Variants in UGT1A9 observed in about 807,000 individuals in gnomAD.
UGT1A9 encodes the protein UDP-glucuronosyltransferase 1A9.
In UGT1A9, 35 loss-of-function variants were observed where a neutral mutation model predicts 45.0. The ratio of observed to expected loss-of-function variants is 0.78; its 90% CI spans 0.59 to 1.03. The LOEUF (loss-of-function observed/expected upper bound fraction) is 1.03. Among genes scored for constraint, UGT1A9 ranks in the 50% least tolerant of loss-of-function variants. UGT1A9 has a pLI of 0.00. For missense variants in UGT1A9, 687 were observed against 666.6 expected, an observed-to-expected ratio of 1.03 and a Z score of -0.34; for synonymous variants, 278 against 250.6, an observed-to-expected ratio of 1.11 and a Z score of -1.03.
intron 1 of UGT1A9, among the ~76,000 whole-genome samples, chr2:233,673,495 T>C (rs1246141982): frequency 6.6e-6 from 1 of 152,174 alleles, no homozygotes; most frequent in East Asian, 1.9e-4. Context: ...TTTATCTTAG[T>C]TGACTAGAGC....
chr2:233,700,921 G>C (rs557819327), intron 1 of UGT1A9, among the ~76,000 whole-genome samples: 1 of 151,366 alleles, frequency 6.6e-6, no homozygotes, highest in South Asian at 2.1e-4. Context: ...CTCTTCCTGT[G>C]TCTGTGTGTG....
chr2:233,735,677 C>A (rs1321375160), intron 1 of UGT1A9, among the ~76,000 whole-genome samples: 1 of 152,088 alleles, frequency 6.6e-6, no homozygotes. Context: ...TTAGTGCTTC[C>A]TTTAGGAGCT....
rs191471887 is a variant in UGT1A9, at chr2:233,760,476, C to T, written c.856-6558C>T. 6.3e-5 allele frequency: 102 copies of T among 1,614,200 alleles called. 1 individual carries two copies. In the East Asian group the frequency reaches 1.9e-3, roughly 30 times the overall value. On this transcript the variant is annotated intron_variant, in intron 1 of 4. Transcript: ENST00000354728. ...ATGAAATAGTTGTCCTAGCACCTGA[C>T]GCCTCGTTGTACATCAGAGACGGAG...
At chr2:233,697,250 C>T (rs1170124115) in intron 1 of UGT1A9, among the ~76,000 whole-genome samples, 1 of 152,006 alleles carries the variant, frequency 6.6e-6, no homozygotes, top group African/African-American at 2.4e-5. Flanking sequence ...CTGCTTCAAT[C>T]TTGTTACTTA....
At chr2:233,740,826 G>C (rs1278219127) in intron 1 of UGT1A9, 2 of 151,802 alleles carry the variant, frequency 1.3e-5, no homozygotes, top group Non-Finnish European at 2.9e-5. Flanking sequence ...TTTGAGCTGA[G>C]ACATTTTAAA....
intron 1 of UGT1A9, among the ~76,000 whole-genome samples, chr2:233,680,213 G>T (rs1240097253): frequency 6.6e-6 from 1 of 152,038 alleles, no homozygotes; most frequent in Non-Finnish European, 1.5e-5. Context: ...GCACTTTATA[G>T]TCCCATGGTG....
At chr2:233,690,662 C>A (rs1369472374) in intron 1 of UGT1A9, 3 of 1,274,194 alleles carry the variant, frequency 2.4e-6, no homozygotes, top group African/African-American at 1.5e-5. Flanking sequence ...CAGCACCAAC[C>A]AGGGCAGGCC....
chr2:233,707,423 C>T (rs1388358348), intron 1 of UGT1A9, among the ~76,000 whole-genome samples: 1 of 151,946 alleles, frequency 6.6e-6, no homozygotes, highest in Non-Finnish European at 1.5e-5. Context: ...TCGACTATTT[C>T]TTTGCTTTTC....
At chr2:233,692,792 T>C in intron 1 of UGT1A9, 3 of 1,374,468 alleles carry the variant, frequency 2.2e-6, no homozygotes, top group Non-Finnish European at 9.4e-7. Context: ...AGGTGAAAGC[T>C]GACACGGCCA....
At chr2:233,745,465 G>C (rs1164210387) in intron 1 of UGT1A9, among the ~76,000 whole-genome samples, 3 of 151,586 alleles carry the variant, frequency 2.0e-5, no homozygotes, top group Non-Finnish European at 2.9e-5. Flanking sequence ...AGTTCTAAGG[G>C]GAAAATGATT....
chr2:233,770,182 A>T (rs778207496), intron 4 of UGT1A9: 1 of 152,262 alleles, frequency 6.6e-6, no homozygotes, highest in Non-Finnish European at 1.5e-5. Flanking sequence ...CAACTTATTA[A>T]CTAACTTTCA....
At chr2:233,711,952 C>T (rs2076206674) in intron 1 of UGT1A9, among the ~76,000 whole-genome samples, 1 of 152,326 alleles carries the variant, frequency 6.6e-6, no homozygotes, top group African/African-American at 2.4e-5. Context: ...ACGTTTAATT[C>T]TCCATTTTGA....
chr2:233,734,094 C>T (rs981980802), intron 1 of UGT1A9, among the ~76,000 whole-genome samples: 3 of 151,762 alleles, frequency 2.0e-5, no homozygotes, highest in African/African-American at 7.3e-5. Flanking sequence ...CACCCTAAAA[C>T]TTAAAGTATA....
intron 1 of UGT1A9, among the ~76,000 whole-genome samples, chr2:233,686,693 C>T (rs2074799956): frequency 1.3e-5 from 2 of 152,118 alleles, no homozygotes; most frequent in South Asian, 2.1e-4. Flanking sequence ...TGGTGGTGCC[C>T]TCTGGCCTGC....
chr2:233,729,641 T>C (rs2077899258), intron 1 of UGT1A9: 1 of 1,613,944 alleles, frequency 6.2e-7, no homozygotes, highest in Non-Finnish European at 8.5e-7. Flanking sequence ...ACTGTGTTTT[T>C]TTTGAGGAAC....
intron 1 of UGT1A9, chr2:233,747,281 A>C: frequency 6.3e-7 from 1 of 1,599,850 alleles, no homozygotes; most frequent in Non-Finnish European, 8.5e-7. Context: ...CTCAGTGCCC[A>C]GCCCTGGGCT....
intron 1 of UGT1A9, among the ~76,000 whole-genome samples, chr2:233,737,049 A>G (rs2078837950): frequency 1.3e-5 from 2 of 152,210 alleles, no homozygotes; most frequent in Admixed American, 6.5e-5. Context: ...ATGCCATACT[A>G]GGAGAACGAG....
At chr2:233,722,301 CCTTA>C (rs1342676069) in intron 1 of UGT1A9, among the ~76,000 whole-genome samples, 2 of 152,042 alleles carry the variant, frequency 1.3e-5, no homozygotes, top group Non-Finnish European at 2.9e-5. Context: ...ATTTTGTCAC[CCTTA>C]CTTACTTGGT....
chr2:233,727,660 A>G (rs1325777939), intron 1 of UGT1A9, among the ~76,000 whole-genome samples: 2 of 152,150 alleles, frequency 1.3e-5, no homozygotes, highest in Admixed American at 6.5e-5. Context: ...CTAGTGCTCT[A>G]TGTCCTTACA....
Sources: gnomAD v4.1 joint callset for allele counts (sites outside exome capture counted in the v4.1 genomes callset) on GRCh38, gnomAD v4.1.1 for gene constraint, MANE v1.5 for transcripts, NCBI Gene and HGNC (gene_info 2026-07-23, HGNC 2026-07-21) for gene names.